Variants in TOX2 observed in about 807,000 individuals in gnomAD.
TOX2 encodes granulosa cell HMG box 1.
A neutral mutation model predicts 47.4 loss-of-function variants in TOX2; 15 were observed. The observed-to-expected ratio is 0.32, with a 90% confidence interval of 0.21 to 0.49. The LOEUF (loss-of-function observed/expected upper bound fraction) is 0.49. Ranked by LOEUF, TOX2 falls within the 20% of genes least tolerant of loss-of-function variation. The pLI is 0.99. For missense variants in TOX2, 622 were observed against 673.1 expected, an observed-to-expected ratio of 0.92 and a Z score of 0.84; for synonymous variants, 290 against 296.6, an observed-to-expected ratio of 0.98 and a Z score of 0.23.
intron 3 of TOX2, among the ~76,000 whole-genome samples, chr20:44,010,253 G>A (rs1289142515): frequency 6.6e-6 from 1 of 152,116 alleles, no homozygotes; most frequent in Non-Finnish European, 1.5e-5. Context: ...TTATCTTTTT[G>A]TCAAAGATGG....
chr20:44,065,803 G>C lies in TOX2; in HGVS notation c.1052G>C (p.Gly351Ala), dbSNP rs759176433. ...PPKQPMYAMP[G>A]LASFLTPSDL... Reference sequence around the variant, plus strand: ...AAGCAGCCCATGTATGCCATGCCAGGCCTGGCCTCCTTCCTGACGCCGTCG... The same window carrying C: ...AAGCAGCCCATGTATGCCATGCCAGCCCTGGCCTCCTTCCTGACGCCGTCG... Residue 351 changes from glycine (G) to alanine (A), a missense_variant, in exon 7 of 9, where the codon GGC (glycine) becomes GCC (alanine). By Grantham distance (60) the Gly-to-Ala change is moderately conservative (BLOSUM62 0). Around this residue, in one of 3 missense-constraint regions of TOX2, gnomAD observed 294 missense variants for 300.0 expected, o/e 0.98. Coordinates refer to ENST00000341197, the MANE Select transcript of TOX2 (RefSeq NM_001098797.2). 4 of 1,613,782 alleles carry C rather than the reference G, an allele frequency of 2.5e-6. No homozygotes were observed. Among genetic ancestry groups the C allele is most frequent in the Non-Finnish European group, 2.5e-6 (3 of 1,179,706 alleles).
intron 3 of TOX2, among the ~76,000 whole-genome samples, chr20:44,014,558 C>T (rs2070842488): frequency 1.3e-5 from 2 of 152,100 alleles, no homozygotes; most frequent in African/African-American, 4.8e-5. Flanking sequence ...CCCCAGCTCC[C>T]CTCCTTGTTA....
chr20:44,031,564 C>G (rs895969679), intron 3 of TOX2, among the ~76,000 whole-genome samples: 3 of 152,148 alleles, frequency 2.0e-5, no homozygotes. Context: ...CGTTTAGGTC[C>G]TGAGGCTGTG....
At chr20:44,013,158 C>T (rs1373582990) in intron 3 of TOX2, among the ~76,000 whole-genome samples, 1 of 152,038 alleles carries the variant, frequency 6.6e-6, no homozygotes, top group Non-Finnish European at 1.5e-5. Context: ...TGGGTATTGA[C>T]TCTGGGAGGT....
chr20:44,040,073 G>T (rs2071307826), intron 3 of TOX2, among the ~76,000 whole-genome samples: 1 of 152,222 alleles, frequency 6.6e-6, no homozygotes, highest in Non-Finnish European at 1.5e-5. Context: ...TCGTGAGCTG[G>T]TAGAGTGTTC....
At chr20:43,965,498 G>A (rs543165028) in intron 1 of TOX2, among the ~76,000 whole-genome samples, 100 of 152,296 alleles carry the variant, frequency 6.6e-4, no homozygotes, top group South Asian at 3.3e-3. Flanking sequence ...TAGTAAGCAC[G>A]CACAAGAGAT....
chr20:43,931,410 C>G (rs1342492274), intron 1 of TOX2, among the ~76,000 whole-genome samples: 2 of 152,250 alleles, frequency 1.3e-5, no homozygotes, highest in East Asian at 1.9e-4. Flanking sequence ...GCTGGGACTA[C>G]AGGCATGTGC....
Position 44,069,006 on chromosome 20 carries a change from G to T in TOX2, c.*320G>T. 1 of 484,316 alleles carries T rather than the reference G, an allele frequency of 2.1e-6. No individual in the cohort carries two copies. Among genetic ancestry groups the T allele is most frequent in the Non-Finnish European group, 4.0e-6 (1 of 250,424 alleles). 30.0% of individuals were successfully genotyped at this position (484,316 alleles called of 1,614,324 possible). On this transcript the variant is annotated 3_prime_UTR_variant, in exon 9 of 9. Transcript: ENST00000341197. ...ACACCCGGCCCCAGCTCCAGCCCCA[G>T]CCCAGGTGGGCCGCCCCTGGCGGGG...
At chr20:43,929,361 C>T (rs2069222472) in intron 1 of TOX2, among the ~76,000 whole-genome samples, 1 of 152,156 alleles carries the variant, frequency 6.6e-6, no homozygotes, top group Non-Finnish European at 1.5e-5. Context: ...CGTGAGCTTG[C>T]CTCTGCCTGC....
chr20:44,056,299 AGGGGTAAGGACT>A (rs1176152480), intron 5 of TOX2, among the ~76,000 whole-genome samples: 2 of 152,358 alleles, frequency 1.3e-5, no homozygotes, highest in East Asian at 3.9e-4. Flanking sequence ...TTTGTAGGAC[AGGGGTAAGGACT>A]GGGGGATATT....
intron 1 of TOX2, among the ~76,000 whole-genome samples, chr20:43,924,015 G>A (rs879566828): frequency 6.6e-6 from 1 of 152,180 alleles, no homozygotes; most frequent in Non-Finnish European, 1.5e-5. Flanking sequence ...GCATAAGTGA[G>A]AGGCCTAAAA....
At chr20:43,951,986 T>A (rs1029362691) in intron 1 of TOX2, among the ~76,000 whole-genome samples, 1 of 151,972 alleles carries the variant, frequency 6.6e-6, no homozygotes, top group African/African-American at 2.4e-5. Context: ...AACCTCCACC[T>A]CCTGGGTTCA....
intron 2 of TOX2, among the ~76,000 whole-genome samples, chr20:44,000,288 A>G (rs1257196406): frequency 2.6e-5 from 4 of 152,200 alleles, no homozygotes; most frequent in African/African-American, 9.7e-5. Context: ...CCAAGAGGCC[A>G]GGGAGGAGAC....
chr20:43,972,417 A>T (rs2069990417), intron 1 of TOX2, among the ~76,000 whole-genome samples: 1 of 152,198 alleles, frequency 6.6e-6, no homozygotes. Context: ...CTTACAGGTT[A>T]TTCCCAAGGA....
At chr20:43,989,711 T>G (rs1600713332) in intron 2 of TOX2, among the ~76,000 whole-genome samples, 1 of 143,676 alleles carries the variant, frequency 7.0e-6, no homozygotes. Flanking sequence ...ATCCGGGAGG[T>G]GGAGGTTACA....
At chr20:43,952,057 C>T (rs1172770728) in intron 1 of TOX2, among the ~76,000 whole-genome samples, 14 of 151,606 alleles carry the variant, frequency 9.2e-5, no homozygotes, top group Admixed American at 7.9e-4. Context: ...CCACCACACC[C>T]GGCTGATTTT....
chr20:44,057,592 G>C (rs2071643636), intron 5 of TOX2, among the ~76,000 whole-genome samples: 2 of 152,128 alleles, frequency 1.3e-5, no homozygotes, highest in African/African-American at 4.8e-5. Flanking sequence ...CCAAGACTTA[G>C]AAAAATAAGA....
intron 2 of TOX2, among the ~76,000 whole-genome samples, chr20:43,987,080 G>A (rs1036358065): frequency 6.6e-6 from 1 of 152,076 alleles, no homozygotes; most frequent in Non-Finnish European, 1.5e-5. Flanking sequence ...AAGTTTATAG[G>A]AGTGTTTTTC....
At chr20:44,045,569 C>T (rs2071399295) in intron 3 of TOX2, among the ~76,000 whole-genome samples, 1 of 152,188 alleles carries the variant, frequency 6.6e-6, no homozygotes, top group African/African-American at 2.4e-5. Context: ...ATATCTGCAT[C>T]TTCAATATAC....
Sources: allele counts gnomAD v4.1 joint callset (sites outside exome capture counted in the v4.1 genomes callset), GRCh38; gene constraint gnomAD v4.1.1; regional missense constraint gnomAD v4.1.1; transcripts MANE v1.5; gene names NCBI Gene and HGNC (gene_info 2026-07-23, HGNC 2026-07-21).